The following DEPTOR variants were observed in gnomAD, a reference collection of about 807,000 sequenced individuals.
DEPTOR encodes DEP domain containing MTOR interacting protein, also known as DEP domain-containing mTOR-interacting protein.
DEPTOR carries 41 observed loss-of-function variants against 41.6 expected under a neutral mutation model. The observed-to-expected ratio is 0.98, with a 90% confidence interval of 0.77 to 1.28. DEPTOR has a LOEUF of 1.28. Ranked by LOEUF, DEPTOR falls within the 50% of genes most tolerant of loss-of-function variation. The probability of loss-of-function intolerance (pLI) is 0.00; values close to 1 mark genes in which losing one functional copy is unlikely to be tolerated. For synonymous variants in DEPTOR, 195 were observed against 192.3 expected, an observed-to-expected ratio of 1.01 and a Z score of -0.12; for missense variants, 514 against 527.9, an observed-to-expected ratio of 0.97 and a Z score of 0.26.
At chr8:120,002,776 C>CAAA (rs1173820465) in intron 5 of DEPTOR, among the ~76,000 whole-genome samples, 943 of 54,394 alleles carry the variant, frequency 0.017, 56 homozygotes, top group South Asian at 0.04. Context: ...GACTCCATCT[C>CAAA]AAAAAAAAAA....
intron 1 of DEPTOR, among the ~76,000 whole-genome samples, chr8:119,927,158 A>G (rs1006055992): frequency 6.6e-6 from 1 of 152,052 alleles, no homozygotes; most frequent in Non-Finnish European, 1.5e-5. Context: ...TGAGAAACAG[A>G]CCCTATGAAG....
At chr8:119,965,105 G>T (rs1828539923) in intron 3 of DEPTOR, 127 bp from the exon 4 acceptor site, 2 of 1,004,464 alleles carry the variant, frequency 2.0e-6, no homozygotes, top group East Asian at 5.3e-5. Context: ...CATGTGTGGT[G>T]GCACCTGACA....
chr8:119,912,458 G>A (rs1487480946), intron 1 of DEPTOR, among the ~76,000 whole-genome samples: 1 of 152,202 alleles, frequency 6.6e-6, no homozygotes, highest in Non-Finnish European at 1.5e-5. Context: ...ATGTGTTTCG[G>A]TTGAGAAATT....
chr8:119,915,742 G>A (rs375094391), intron 1 of DEPTOR, among the ~76,000 whole-genome samples: 1 of 152,114 alleles, frequency 6.6e-6, no homozygotes, highest in African/African-American at 2.4e-5. Context: ...TATCAGTTAG[G>A]TTGATACCAT....
At chr8:119,902,783 T>C (rs1751362949) in intron 1 of DEPTOR, among the ~76,000 whole-genome samples, 1 of 152,208 alleles carries the variant, frequency 6.6e-6, no homozygotes, top group Non-Finnish European at 1.5e-5. Context: ...TTAAGTTGGA[T>C]GAGGAATTAT....
intron 1 of DEPTOR, among the ~76,000 whole-genome samples, chr8:119,882,562 C>T (rs2129679693): frequency 6.6e-6 from 1 of 152,064 alleles, no homozygotes; most frequent in Non-Finnish European, 1.5e-5. Context: ...GCATGTACCA[C>T]CACACCTGGC....
chr8:119,899,695 G>A (rs140051582), intron 1 of DEPTOR, among the ~76,000 whole-genome samples: 7 of 152,248 alleles, frequency 4.6e-5, no homozygotes, highest in Non-Finnish European at 8.8e-5. Flanking sequence ...AGAGAAACTC[G>A]CAAACCTATT....
intron 4 of DEPTOR, among the ~76,000 whole-genome samples, chr8:119,968,276 T>A (rs77055639): frequency 0.036 from 5,454 of 152,024 alleles, 118 homozygotes; most frequent in Admixed American, 0.051. Flanking sequence ...ATTCTTTTTT[T>A]AAAAAATGTA....
Position 119,965,256 on chromosome 8 carries a change from C to T in DEPTOR, c.450C>T (p.Leu150=), listed in dbSNP as rs972463739. Residue 150 remains leucine (L), a synonymous_variant, in exon 4 of 9, where the codon CTC becomes CTT. Coordinates refer to ENST00000286234, the MANE Select transcript of DEPTOR (RefSeq NM_022783.4). The stretch of plus-strand genomic sequence containing the variant: ...GGCTGATGAGCCCTGAAAACACACT[C>T]CTGCAGCCCAGGGAGGAGGAAGGGG... ...YEKLMSPENT[L]LQPREEEGVK... is the part of the protein sequence containing the mutation. 9.3e-6 allele frequency: 15 copies of T among 1,613,822 alleles called. No individual in the cohort carries two copies. In the Admixed American group the frequency reaches 2.5e-4, roughly 27 times the overall value.
chr8:119,882,476 C>T (rs189776782), intron 1 of DEPTOR, among the ~76,000 whole-genome samples: 21 of 152,128 alleles, frequency 1.4e-4, no homozygotes, highest in African/African-American at 4.8e-4. Context: ...CTCACTTCAA[C>T]CTCTGGGTCC....
chr8:119,958,610 C>CTACTAAA (rs1828448754), intron 3 of DEPTOR, among the ~76,000 whole-genome samples: 1 of 151,926 alleles, frequency 6.6e-6, no homozygotes, highest in African/African-American at 2.4e-5. Flanking sequence ...GGTAAAATCC[C>CTACTAAA]ATCTCTACTA....
intron 8 of DEPTOR, among the ~76,000 whole-genome samples, chr8:120,044,035 T>A (rs375974714): frequency 6.8e-6 from 1 of 147,700 alleles, no homozygotes; most frequent in East Asian, 2.0e-4. Context: ...GCATTGGGGA[T>A]GGTGGGTTGC....
At chr8:119,965,462 C>A (rs756933563) in intron 4 of DEPTOR, 52 bp downstream of exon 4, 2 of 1,585,364 alleles carry the variant, frequency 1.3e-6, no homozygotes, top group South Asian at 1.1e-5. Flanking sequence ...AGCCCCAAAT[C>A]TTGTGTCTTA....
intron 1 of DEPTOR, among the ~76,000 whole-genome samples, chr8:119,897,460 G>A (rs1033842087): frequency 3.3e-5 from 5 of 152,140 alleles, no homozygotes; most frequent in Non-Finnish European, 7.3e-5. Flanking sequence ...TTGAACCTGG[G>A]AGGCAGAGGT....
At chr8:120,020,367 C>T (rs1190864226) in intron 8 of DEPTOR, among the ~76,000 whole-genome samples, 1 of 152,130 alleles carries the variant, frequency 6.6e-6, no homozygotes, top group Non-Finnish European at 1.5e-5. Context: ...AGGCGAGAGA[C>T]ACCACACCCA....
chr8:119,997,355 C>T (rs919207506), intron 4 of DEPTOR, among the ~76,000 whole-genome samples: 6 of 152,162 alleles, frequency 3.9e-5, no homozygotes, highest in African/African-American at 9.7e-5. Context: ...CTGCCTCAGT[C>T]TCCTGAGTAG....
At chr8:119,897,109 T>C (rs1026859406) in intron 1 of DEPTOR, among the ~76,000 whole-genome samples, 6 of 152,204 alleles carry the variant, frequency 3.9e-5, no homozygotes, top group Middle Eastern at 3.2e-3. Flanking sequence ...AATATGAGTG[T>C]AGTTGGTTAT....
chr8:119,885,801 A>T (rs1339980540), intron 1 of DEPTOR, among the ~76,000 whole-genome samples: 2 of 152,224 alleles, frequency 1.3e-5, no homozygotes, highest in Non-Finnish European at 1.5e-5. Context: ...ATTTCACTGT[A>T]TTGCTTTATC....
chr8:120,003,414 A>T (rs1356802835), intron 6 of DEPTOR, among the ~76,000 whole-genome samples: 3 of 152,076 alleles, frequency 2.0e-5, no homozygotes, highest in Admixed American at 2.0e-4. Context: ...CATGTTGGCC[A>T]CTTATTAGGT....
Sources: gnomAD v4.1 joint callset for allele counts (sites outside exome capture counted in the v4.1 genomes callset) on GRCh38, gnomAD v4.1.1 for gene constraint, MANE v1.5 for transcripts, NCBI Gene and HGNC (gene_info 2026-07-23, HGNC 2026-07-21) for gene names.